Variants in GPR158 observed in about 807,000 individuals in gnomAD.
GPR158 encodes the protein metabotropic glycine receptor.
A neutral mutation model predicts 78.2 loss-of-function variants in GPR158; 30 were observed. That is an observed-to-expected ratio of 0.38 (90% CI 0.29 to 0.52). The LOEUF (loss-of-function observed/expected upper bound fraction) is 0.52. Among genes scored for constraint, GPR158 ranks in the 20% least tolerant of loss-of-function variants. The pLI is 0.83. For synonymous variants in GPR158, 581 were observed against 591.1 expected, an observed-to-expected ratio of 0.98 and a Z score of 0.25; for missense variants, 1,463 against 1,523.5, an observed-to-expected ratio of 0.96 and a Z score of 0.66.
At chr10:25,358,926 A>G (rs1855589839) in intron 2 of GPR158, among the ~76,000 whole-genome samples, 1 of 152,030 alleles carries the variant, frequency 6.6e-6, no homozygotes, top group African/African-American at 2.4e-5. Flanking sequence ...TAAGAAGAAT[A>G]TGTGTTCTGC....
intron 2 of GPR158, among the ~76,000 whole-genome samples, chr10:25,317,165 C>A (rs1300289263): frequency 2.0e-5 from 3 of 151,758 alleles, no homozygotes; most frequent in Non-Finnish European, 2.9e-5. Flanking sequence ...CTGCCTCAGT[C>A]TCCTGAGTAA....
At chr10:25,237,211 T>C (rs1853537604) in intron 2 of GPR158, among the ~76,000 whole-genome samples, 2 of 152,200 alleles carry the variant, frequency 1.3e-5, no homozygotes, top group Admixed American at 1.3e-4. Flanking sequence ...AATTCTATAG[T>C]TTACCAGGTA....
intron 5 of GPR158, among the ~76,000 whole-genome samples, chr10:25,497,919 G>A (rs1379355946): frequency 2.0e-5 from 3 of 152,122 alleles, no homozygotes; most frequent in African/African-American, 7.2e-5. Context: ...ACTAAACCTT[G>A]TAAAAATAAT....
intron 8 of GPR158, among the ~76,000 whole-genome samples, chr10:25,589,996 G>A (rs146722719): frequency 1.3e-5 from 2 of 152,274 alleles, no homozygotes; most frequent in East Asian, 3.9e-4. Flanking sequence ...TGGCCTCAGT[G>A]GAAAGAGTGG....
intron 2 of GPR158, among the ~76,000 whole-genome samples, chr10:25,354,496 A>G (rs1855520576): frequency 6.6e-6 from 1 of 152,004 alleles, no homozygotes; most frequent in Non-Finnish European, 1.5e-5. Context: ...CTCAATTTAC[A>G]TATTTTTATT....
intron 2 of GPR158, among the ~76,000 whole-genome samples, chr10:25,253,492 A>G (rs1221886258): frequency 6.6e-6 from 1 of 152,218 alleles, no homozygotes; most frequent in Non-Finnish European, 1.5e-5. Flanking sequence ...ATCCTAACTG[A>G]GAGTCCACCT....
chr10:25,419,507 T>C (rs1194238847), intron 4 of GPR158, among the ~76,000 whole-genome samples: 1 of 152,234 alleles, frequency 6.6e-6, no homozygotes, highest in Non-Finnish European at 1.5e-5. Context: ...TTTTGCTATA[T>C]ACCTAGTAAT....
chr10:25,362,490 A>G (rs862192), intron 2 of GPR158, among the ~76,000 whole-genome samples: 100,910 of 151,760 alleles, frequency 0.66, 34,607 homozygotes, highest in Non-Finnish European at 0.75. Flanking sequence ...TCTGCAAAAA[A>G]TGTTGAGCTT....
intron 4 of GPR158, among the ~76,000 whole-genome samples, chr10:25,418,221 T>G (rs1248750845): frequency 6.6e-6 from 1 of 152,220 alleles, no homozygotes; most frequent in Non-Finnish European, 1.5e-5. Flanking sequence ...GAAAGTCTAA[T>G]TTTTAGTACA....
intron 2 of GPR158, among the ~76,000 whole-genome samples, chr10:25,294,298 G>T (rs1854481019): frequency 6.6e-6 from 1 of 152,042 alleles, no homozygotes. Flanking sequence ...AACTTTGTGA[G>T]TCATAACCAT....
intron 5 of GPR158, among the ~76,000 whole-genome samples, chr10:25,522,462 A>C (rs1346769836): frequency 6.6e-6 from 1 of 152,202 alleles, no homozygotes; most frequent in African/African-American, 2.4e-5. Context: ...GTTGATGGCA[A>C]TGCCAACTTC....
At chr10:25,226,379 A>G (rs914227340) in intron 2 of GPR158, among the ~76,000 whole-genome samples, 1 of 152,188 alleles carries the variant, frequency 6.6e-6, no homozygotes, top group African/African-American at 2.4e-5. Context: ...AAAACTTTCA[A>G]ATCCCTGAGT....
intron 2 of GPR158, among the ~76,000 whole-genome samples, chr10:25,291,472 C>T (rs1322345237): frequency 6.6e-6 from 1 of 151,924 alleles, no homozygotes; most frequent in Non-Finnish European, 1.5e-5. Flanking sequence ...GATACAATGG[C>T]TTCAACATCA....
chr10:25,202,652 CATT>C (rs1253006032), intron 1 of GPR158, among the ~76,000 whole-genome samples: 5 of 152,148 alleles, frequency 3.3e-5, no homozygotes, highest in African/African-American at 1.2e-4. Flanking sequence ...TCCAGTCTAT[CATT>C]GTTGGACATT....
intron 4 of GPR158, among the ~76,000 whole-genome samples, chr10:25,421,729 A>G (rs1379272868): frequency 2.6e-5 from 4 of 152,210 alleles, no homozygotes; most frequent in African/African-American, 7.2e-5. Context: ...TATTAAAACA[A>G]TATTATTTTT....
intron 2 of GPR158, among the ~76,000 whole-genome samples, chr10:25,225,822 G>A (rs747317664): frequency 1.3e-5 from 2 of 152,062 alleles, no homozygotes; most frequent in African/African-American, 2.4e-5. Context: ...TACATTAGAT[G>A]TAGTTTAATG....
chr10:25,534,679 A>T (rs928951131), intron 5 of GPR158, among the ~76,000 whole-genome samples: 4 of 152,030 alleles, frequency 2.6e-5, no homozygotes, highest in Non-Finnish European at 5.9e-5. Context: ...GCTTGAACCC[A>T]AGAGGTGGAG....
chr10:25,435,582 G>C (rs1444835419), intron 4 of GPR158, among the ~76,000 whole-genome samples: 1 of 152,198 alleles, frequency 6.6e-6, no homozygotes, highest in Non-Finnish European at 1.5e-5. Flanking sequence ...GGTGAGTTTG[G>C]AGAGGTCGTC....
intron 4 of GPR158, among the ~76,000 whole-genome samples, chr10:25,439,052 A>G (rs1373721733): frequency 2.6e-5 from 4 of 152,340 alleles, no homozygotes; most frequent in Non-Finnish European, 5.9e-5. Flanking sequence ...CAGAGAAGGT[A>G]TGACCTGGAA....
Sources: allele counts gnomAD v4.1 joint callset (sites outside exome capture counted in the v4.1 genomes callset), GRCh38; gene constraint gnomAD v4.1.1; transcripts MANE v1.5; gene names NCBI Gene and HGNC (gene_info 2026-07-23, HGNC 2026-07-21).